The following SP1 variants were observed in gnomAD, a reference collection of about 807,000 sequenced individuals.
SP1 encodes transcription factor Sp1.
Under a neutral mutation model 66.3 loss-of-function variants are expected in SP1, and 6 were observed. The observed-to-expected ratio is 0.09, with a 90% CI of 0.05 to 0.18. The LOEUF is 0.18. Ranked by LOEUF, SP1 falls within the 10% of genes least tolerant of loss-of-function variation. The probability of loss-of-function intolerance (pLI) is 1.00; values close to 1 mark genes in which losing one functional copy is unlikely to be tolerated. For missense variants in SP1, 848 were observed against 964.5 expected, an observed-to-expected ratio of 0.88 and a Z score of 1.60; for synonymous variants, 417 against 360.8, an observed-to-expected ratio of 1.16 and a Z score of -1.77.
At position 53,383,433 on chromosome 12, in the gene SP1, A is replaced by G. The variant is rs1938155102; in HGVS notation, c.1486A>G (p.Ser496Gly). 2 of 1,614,112 alleles carry G rather than the reference A, an allele frequency of 1.2e-6. No homozygotes were observed. The highest frequency in any genetic ancestry group is 2.7e-5 in the African/African-American group (2 of 74,950). ...GCAGGGTGTTTCCTTGGGGCAGACC[A>G]GCAGCAGCAACACCACTCTCACACC... ...PMQGVSLGQT[S>G]SSNTTLTPIA... The change falls in exon 3 of 6, where the codon AGC (serine) becomes GGC (glycine). Residue 496 changes from serine (S) to glycine (G), a missense_variant. This residue lies in a region of SP1 where 606 missense variants were observed against 589.9 expected (regional missense o/e 1.03). Coordinates refer to ENST00000327443, the MANE Select transcript of SP1 (RefSeq NM_138473.3).
chr12:53,405,844 G>A (rs1171021863), intron 3 of SP1, among the ~76,000 whole-genome samples: 2 of 151,902 alleles, frequency 1.3e-5, no homozygotes, highest in Non-Finnish European at 2.9e-5. Context: ...AAGTGGAGTT[G>A]CATTTTAAAA....
At chr12:53,404,309 A>G (rs1207085885) in intron 3 of SP1, among the ~76,000 whole-genome samples, 1 of 152,122 alleles carries the variant, frequency 6.6e-6, no homozygotes, top group East Asian at 1.9e-4. Flanking sequence ...AGGCGGGCGG[A>G]TCACAAGGTC....
chr12:53,393,134 T>G (rs894301895), intron 3 of SP1, among the ~76,000 whole-genome samples: 5 of 151,788 alleles, frequency 3.3e-5, no homozygotes, highest in African/African-American at 1.2e-4. Flanking sequence ...GAAGGAGTTT[T>G]AAAATATAAA....
chr12:53,390,551 C>T (rs1027657192), intron 3 of SP1, among the ~76,000 whole-genome samples: 4 of 152,138 alleles, frequency 2.6e-5, no homozygotes, highest in East Asian at 1.9e-4. Flanking sequence ...GGCATGGCGG[C>T]GCGCACCTGT....
intron 3 of SP1, among the ~76,000 whole-genome samples, chr12:53,383,963 ATTTTC>A (rs62813960): frequency 0.067 from 9,722 of 145,850 alleles, 909 homozygotes; most frequent in African/African-American, 0.23. Context: ...ATGTGGTCAC[ATTTTC>A]TTTTCTTTTT....
chr12:53,394,105 C>T (rs1938416231), intron 3 of SP1, among the ~76,000 whole-genome samples: 1 of 151,888 alleles, frequency 6.6e-6, no homozygotes, highest in Non-Finnish European at 1.5e-5. Flanking sequence ...ATCTCAGCTA[C>T]TCAGGAGGCT....
At chr12:53,381,921 A>G (rs569632140) in intron 2 of SP1, 108 bp downstream of exon 2, 85 of 1,309,562 alleles carry the variant, frequency 6.5e-5, no homozygotes, top group Non-Finnish European at 9.0e-5. Flanking sequence ...AAACCATTTT[A>G]TAGATAAGGA....
rs374923608 is a variant in SP1, at chr12:53,399,489, A to T, written c.1676-7096A>T. Among the ~76,000 whole-genome samples, 21 of 151,724 alleles carry T rather than the reference A, an allele frequency of 1.4e-4. No homozygotes were observed. In the East Asian group the frequency reaches 3.7e-3, roughly 27 times the overall value. ...TGGGGCTACAGGCGCCCGCCACCAC[A>T]TCTGGCTAATTTTTTGTATTTTTAG... On this transcript the variant is annotated intron_variant, in intron 3 of 5. Transcript: ENST00000327443.
intron 3 of SP1, among the ~76,000 whole-genome samples, chr12:53,406,303 A>G (rs1938737615): frequency 6.6e-6 from 1 of 152,000 alleles, no homozygotes; most frequent in Admixed American, 6.6e-5. Flanking sequence ...TCCTGACCTC[A>G]GGTGATCCGC....
chr12:53,410,869 G>A, intron 5 of SP1, 58 bp from the exon 6 acceptor site: 1 of 1,281,950 alleles, frequency 7.8e-7, no homozygotes, highest in East Asian at 2.3e-5. Flanking sequence ...CACTGAATTG[G>A]GTAAGGTAAC....
intron 3 of SP1, among the ~76,000 whole-genome samples, chr12:53,399,102 T>G (rs117468384): frequency 1.7e-3 from 253 of 152,322 alleles, no homozygotes; most frequent in South Asian, 5.0e-3. Context: ...TTAAAATGAT[T>G]TTATGGTAAT....
Position 53,411,675 on chromosome 12 carries a change from T to TAA in SP1, c.*437_*438dup, listed in dbSNP as rs1015337380. 16 of 147,830 alleles carry TAA rather than the reference T, an allele frequency of 1.1e-4. No homozygotes were observed. In the South Asian group the frequency reaches 2.7e-3, roughly 25 times the overall value. The allele number at this position is 147,830 out of a possible 1,614,324, so 9.2% of individuals were successfully genotyped here. A position where few individuals can be genotyped will look rare whatever the true frequency, so the allele number is the denominator to read the frequency against. The stretch of plus-strand genomic sequence containing the variant: ...ATTATTATATATATATATATATATA[T>TAA]AAAGATATATAGAGATGCATTCACA... On this transcript the variant is annotated 3_prime_UTR_variant, in exon 6 of 6. Coordinates refer to ENST00000327443, the MANE Select transcript of SP1 (RefSeq NM_138473.3).
chr12:53,382,274 C>G lies in SP1; in HGVS notation c.327C>G (p.Ile109Met), dbSNP rs1565806459. 1 of 1,614,182 alleles carries G rather than the reference C, an allele frequency of 6.2e-7. No homozygotes were observed. Among genetic ancestry groups the G allele is most frequent in the Non-Finnish European group, 8.5e-7 (1 of 1,180,034 alleles). Residue 109 changes from isoleucine (I) to methionine (M), a missense_variant, in exon 3 of 6, where the codon ATC becomes ATG. Transcript: ENST00000327443. ...CACAGGGTGCCAATGGCTGGCAGAT[C>G]ATCTCTTCCTCCTCTGGGGCTACCC... ...QLSQGANGWQ[I>M]ISSSSGATPT...
chr12:53,396,121 A>C (rs1476237554), intron 3 of SP1, among the ~76,000 whole-genome samples: 1 of 148,202 alleles, frequency 6.7e-6, no homozygotes, highest in East Asian at 2.0e-4. Context: ...CTCTTGTCTC[A>C]AAAAAAAAAA....
intron 3 of SP1, among the ~76,000 whole-genome samples, chr12:53,387,269 A>C (rs1200240699): frequency 1.3e-5 from 2 of 152,090 alleles, no homozygotes; most frequent in Non-Finnish European, 2.9e-5. Context: ...TTCTTTTGGC[A>C]TATATATGTG....
intron 4 of SP1, 97 bp from the exon 5 acceptor site, chr12:53,409,265 G>C: frequency 2.1e-6 from 2 of 962,416 alleles, no homozygotes; most frequent in Admixed American, 2.7e-5. Context: ...TAAAAGTTTG[G>C]GTTAGTTTGG....
chr12:53,383,662 C>T lies in SP1; in HGVS notation c.1675+40C>T, dbSNP rs1592555381. On this transcript the variant is annotated intron_variant, in intron 3 of 5. Coordinates refer to ENST00000327443, the MANE Select transcript of SP1 (RefSeq NM_138473.3). ...CTTGTGCATTTATTGGGAACCAACT[C>T]TAGCATCGTAGCTGAAACTTGAGTC... 5.3e-6 allele frequency: 8 copies of T among 1,508,576 alleles called. No individual in the cohort carries two copies. In the East Asian group the frequency reaches 1.4e-4, roughly 26 times the overall value. The allele number at this position is 1,508,576 out of a possible 1,614,324, so 93.4% of individuals were successfully genotyped here.
intron 3 of SP1, among the ~76,000 whole-genome samples, chr12:53,401,776 C>G (rs543605129): frequency 9.9e-5 from 15 of 152,180 alleles, no homozygotes; most frequent in African/African-American, 3.6e-4. Context: ...TCAAGCAATT[C>G]TCCTGCCTCA....
chr12:53,381,026 A>C (rs541625518), intron 1 of SP1, among the ~76,000 whole-genome samples: 1 of 127,960 alleles, frequency 7.8e-6, no homozygotes, highest in African/African-American at 3.1e-5. Context: ...ATCTCGGCTC[A>C]CTGCAACCTC....
Sources: gnomAD v4.1 joint callset for allele counts (sites outside exome capture counted in the v4.1 genomes callset) on GRCh38, gnomAD v4.1.1 for gene constraint, gnomAD v4.1.1 regional missense constraint, MANE v1.5 for transcripts, NCBI Gene and HGNC (gene_info 2026-07-23, HGNC 2026-07-21) for gene names.